Variants in PPP2R2B observed in about 807,000 individuals in gnomAD.
PPP2R2B encodes the protein serine/threonine-protein phosphatase 2A 55 kDa regulatory subunit B beta isoform.
PPP2R2B carries 5 observed loss-of-function variants against 46.0 expected under a neutral mutation model. The ratio of observed to expected loss-of-function variants is 0.11; its 90% CI spans 0.06 to 0.23. PPP2R2B has a LOEUF of 0.23. Ranked by LOEUF, PPP2R2B falls within the 10% of genes least tolerant of loss-of-function variation. The pLI, the probability that PPP2R2B is intolerant of heterozygous loss-of-function variation, is 1.00. For synonymous variants in PPP2R2B, 215 were observed against 206.7 expected, an observed-to-expected ratio of 1.04 and a Z score of -0.34; for missense variants, 367 against 575.0, an observed-to-expected ratio of 0.64 and a Z score of 3.70.
At chr5:146,680,403 G>A (rs977021427) in intron 5 of PPP2R2B, among the ~76,000 whole-genome samples, 3 of 140,836 alleles carry the variant, frequency 2.1e-5, no homozygotes, top group African/African-American at 9.1e-5. Flanking sequence ...TGTGGGGTGG[G>A]GTGGGGAGGG....
chr5:146,866,875 C>CTTTTTCTGT (rs1468510643), intron 2 of PPP2R2B, among the ~76,000 whole-genome samples: 4 of 152,118 alleles, frequency 2.6e-5, no homozygotes, highest in African/African-American at 4.8e-5. Flanking sequence ...AAGTGCCTTC[C>CTTTTTCTGT]ATTCTTTCTG....
At chr5:147,010,283 A>G (rs1011565017) in intron 1 of PPP2R2B, among the ~76,000 whole-genome samples, 19 of 152,170 alleles carry the variant, frequency 1.2e-4, no homozygotes, top group Admixed American at 9.2e-4. Context: ...TGTGGAAGAC[A>G]ATTTTTCCAC....
At chr5:146,730,182 G>A (rs867106553) in intron 2 of PPP2R2B, among the ~76,000 whole-genome samples, 1 of 152,198 alleles carries the variant, frequency 6.6e-6, no homozygotes, top group African/African-American at 2.4e-5. Flanking sequence ...AAATTTGACT[G>A]CCTCTCTGGA....
At chr5:146,790,617 G>A (rs1403749052) in intron 2 of PPP2R2B, among the ~76,000 whole-genome samples, 3 of 152,152 alleles carry the variant, frequency 2.0e-5, no homozygotes, top group Non-Finnish European at 4.4e-5. Context: ...ATACCCCAAT[G>A]TCTGTCTTCA....
intron 1 of PPP2R2B, among the ~76,000 whole-genome samples, chr5:146,915,447 T>TACAC (rs34632167): frequency 0.032 from 4,657 of 147,580 alleles, 72 homozygotes; most frequent in Non-Finnish European, 0.036. Flanking sequence ...TCTACCTATG[T>TACAC]ACACACACAC....
intron 1 of PPP2R2B, among the ~76,000 whole-genome samples, chr5:146,948,658 TA>T (rs1764560292): frequency 6.6e-6 from 1 of 152,106 alleles, no homozygotes. Context: ...CATGAATCAT[TA>T]AAGGAAATTT....
intron 7 of PPP2R2B, among the ~76,000 whole-genome samples, chr5:146,609,270 G>C (rs1208387898): frequency 6.6e-6 from 1 of 152,158 alleles, no homozygotes; most frequent in Middle Eastern, 3.2e-3. Context: ...AAAACTGAAA[G>C]CCTTTCCTTT....
chr5:146,823,060 T>A (rs963913973), intron 2 of PPP2R2B, among the ~76,000 whole-genome samples: 1 of 152,220 alleles, frequency 6.6e-6, no homozygotes, highest in Non-Finnish European at 1.5e-5. Flanking sequence ...TCCCTCCATG[T>A]GAACCAAAAG....
At chr5:147,051,999 C>T (rs1286650151) in intron 1 of PPP2R2B, among the ~76,000 whole-genome samples, 1 of 151,772 alleles carries the variant, frequency 6.6e-6, no homozygotes, top group African/African-American at 2.4e-5. Flanking sequence ...TAGATGAATC[C>T]TCCCCTACCA....
intron 2 of PPP2R2B, among the ~76,000 whole-genome samples, chr5:146,853,127 G>A (rs1433867517): frequency 6.6e-6 from 1 of 152,024 alleles, no homozygotes; most frequent in Non-Finnish European, 1.5e-5. Context: ...CTTATCTAAT[G>A]TTCTGTTGCT....
At chr5:147,042,914 G>T (rs932778598) in intron 1 of PPP2R2B, among the ~76,000 whole-genome samples, 1 of 152,038 alleles carries the variant, frequency 6.6e-6, no homozygotes. Context: ...GCCCTGGAGA[G>T]GGGATGTACG....
rs144680052 is a variant in PPP2R2B, at chr5:146,695,469, T to C, written c.334+2510A>G. Reference sequence around the variant, plus strand: ...ATGTTGGTTTTATTTTTTATTGAAATTGTAAGTTTGAAAATATATTCTAGC... The same window carrying C: ...ATGTTGGTTTTATTTTTTATTGAAACTGTAAGTTTGAAAATATATTCTAGC... On this transcript the variant is annotated intron_variant, in intron 4 of 9. Coordinates refer to ENST00000394411, the MANE Select transcript of PPP2R2B (RefSeq NM_181675.4). 4.0e-3 allele frequency among the ~76,000 whole-genome samples: 610 copies of C among 152,304 alleles called. 4 individuals carry two copies. The highest frequency in any genetic ancestry group is 0.014 in the African/African-American group (576 of 41,566).
chr5:146,786,390 T>C (rs556333486), intron 2 of PPP2R2B, among the ~76,000 whole-genome samples: 20 of 152,218 alleles, frequency 1.3e-4, no homozygotes, highest in African/African-American at 4.8e-4. Context: ...CTGGAGACAG[T>C]CAGCCAGGTG....
At chr5:146,740,573 T>TCACACACACA (rs3995489) in intron 2 of PPP2R2B, among the ~76,000 whole-genome samples, 8 of 138,110 alleles carry the variant, frequency 5.8e-5, no homozygotes, top group South Asian at 5.2e-4. Flanking sequence ...TAAAATGAGA[T>TCACACACACA]CACACACACA....
At chr5:146,877,214 G>T (rs1275718407) in intron 2 of PPP2R2B, among the ~76,000 whole-genome samples, 3 of 152,146 alleles carry the variant, frequency 2.0e-5, no homozygotes, top group Non-Finnish European at 4.4e-5. Flanking sequence ...CTTCCTGCCC[G>T]CACAGCACTA....
chr5:147,047,067 A>G (rs891489388), intron 1 of PPP2R2B, among the ~76,000 whole-genome samples: 1 of 152,124 alleles, frequency 6.6e-6, no homozygotes, highest in Non-Finnish European at 1.5e-5. Flanking sequence ...CTCAAGGGAC[A>G]TCACATGTGA....
At chr5:147,028,589 T>C (rs1259256906) in intron 1 of PPP2R2B, among the ~76,000 whole-genome samples, 1 of 152,222 alleles carries the variant, frequency 6.6e-6, no homozygotes. Flanking sequence ...TTCTATTTTT[T>C]ATGGACTTTG....
At chr5:147,030,548 T>C (rs894960950) in intron 1 of PPP2R2B, among the ~76,000 whole-genome samples, 1 of 152,176 alleles carries the variant, frequency 6.6e-6, no homozygotes, top group East Asian at 1.9e-4. Context: ...GTAACTACCA[T>C]AGGTTTATTT....
At chr5:146,825,939 A>G (rs948041268) in intron 2 of PPP2R2B, among the ~76,000 whole-genome samples, 1 of 152,180 alleles carries the variant, frequency 6.6e-6, no homozygotes, top group African/African-American at 2.4e-5. Flanking sequence ...CCAATTCAGA[A>G]CAGGCCTATG....
Sources: allele counts gnomAD v4.1 joint callset (sites outside exome capture counted in the v4.1 genomes callset), GRCh38; gene constraint gnomAD v4.1.1; transcripts MANE v1.5; gene names NCBI Gene and HGNC (gene_info 2026-07-23, HGNC 2026-07-21).